Variants in INTS2 observed in about 807,000 individuals in gnomAD.
The protein encoded by INTS2 is KIAA1287.
In INTS2, 57 loss-of-function variants were observed where a neutral mutation model predicts 139.6. That is an observed-to-expected ratio of 0.41 (90% CI 0.33 to 0.51). The LOEUF (loss-of-function observed/expected upper bound fraction) is 0.51. Ranked by LOEUF, INTS2 falls within the 20% of genes least tolerant of loss-of-function variation. The pLI is 0.28. For synonymous variants in INTS2, 473 were observed against 493.4 expected, an observed-to-expected ratio of 0.96 and a Z score of 0.55; for missense variants, 1,196 against 1,436.7, an observed-to-expected ratio of 0.83 and a Z score of 2.71.
Position 61,867,810 on chromosome 17 carries a change from C to T in INTS2, c.3421+23G>A. On this transcript the variant is annotated intron_variant, in intron 24 of 24. Coordinates refer to ENST00000251334, the MANE Select transcript of INTS2 (RefSeq NM_001351695.2). This position sits in a 1 kb window ranked among gnomAD's most constrained non-coding sequence, Gnocchi z 5.6. ...TTTTGTTTGAGATATTAAGATAACC[C>T]TTGAAAATAAGTTACCACTTACGTG... 6.4e-7 allele frequency: 1 copy of T among 1,567,502 alleles called. No individual in the cohort carries two copies. The highest frequency in any genetic ancestry group is 8.6e-7 in the Non-Finnish European group (1 of 1,159,974).
intron 16 of INTS2, among the ~76,000 whole-genome samples, chr17:61,883,848 A>T (rs1158798037): frequency 6.6e-6 from 1 of 151,826 alleles, no homozygotes; most frequent in African/African-American, 2.4e-5. Flanking sequence ...TTAAGAAAAA[A>T]TCTCTAGAAA....
chr17:61,910,210 G>C (rs1161443374), intron 7 of INTS2: 1 of 152,210 alleles, frequency 6.6e-6, no homozygotes, highest in Non-Finnish European at 1.5e-5. Context: ...CAGACAGAAA[G>C]TTGAATAGAG....
intron 3 of INTS2, among the ~76,000 whole-genome samples, chr17:61,923,868 G>A (rs996832349): frequency 6.6e-6 from 1 of 152,116 alleles, no homozygotes; most frequent in African/African-American, 2.4e-5. Flanking sequence ...GGTCAGGCTG[G>A]TCTTGAACTC....
chr17:61,902,709 T>TAA (rs75310148), intron 9 of INTS2, among the ~76,000 whole-genome samples: 3 of 145,502 alleles, frequency 2.1e-5, no homozygotes, highest in African/African-American at 5.0e-5. Context: ...CACTGTCTCT[T>TAA]AAAAAAAAAA....
chr17:61,926,931 G>T (rs1229921479), intron 1 of INTS2, among the ~76,000 whole-genome samples: 1 of 152,160 alleles, frequency 6.6e-6, no homozygotes, highest in Admixed American at 6.5e-5. Context: ...GGAATATGAA[G>T]CCCAGAGAGA....
chr17:61,912,520 C>T (rs75650002), intron 5 of INTS2, among the ~76,000 whole-genome samples: 6 of 151,688 alleles, frequency 4.0e-5, no homozygotes, highest in African/African-American at 7.3e-5. Flanking sequence ...CTACTCAGGA[C>T]GCTGAGGCAG....
intron 9 of INTS2, among the ~76,000 whole-genome samples, chr17:61,898,733 C>T (rs2079374817): frequency 6.6e-6 from 1 of 152,230 alleles, no homozygotes; most frequent in Admixed American, 6.5e-5. Flanking sequence ...CCTACCTCAG[C>T]CTCCCGAATA....
At chr17:61,902,074 T>C (rs2079412707) in intron 9 of INTS2, among the ~76,000 whole-genome samples, 2 of 152,214 alleles carry the variant, frequency 1.3e-5, no homozygotes, top group Admixed American at 6.5e-5. Context: ...GTCTTCTAAC[T>C]TCCAGTGTTG....
intron 7 of INTS2, among the ~76,000 whole-genome samples, chr17:61,908,018 A>G (rs886546567): frequency 6.6e-6 from 1 of 152,178 alleles, no homozygotes; most frequent in Non-Finnish European, 1.5e-5. Flanking sequence ...ACGATTATAT[A>G]CCTTTAGGCA....
chr17:61,923,203 C>T (rs901867393), intron 3 of INTS2, among the ~76,000 whole-genome samples: 12 of 151,802 alleles, frequency 7.9e-5, no homozygotes, highest in African/African-American at 2.7e-4. Flanking sequence ...CTCGGCCGGG[C>T]GCAGTGGCTC....
At position 61,885,526 on chromosome 17, in the gene INTS2, C is replaced by T. The variant is rs376451707; in HGVS notation, c.1985-521G>A. ...GCTTCCCGGGTTCAAGCGATTCTCCCGCCTCAGCCTCTCAAGTAGATTGGC... is the reference window on the plus strand; with the variant it reads ...GCTTCCCGGGTTCAAGCGATTCTCCTGCCTCAGCCTCTCAAGTAGATTGGC... On this transcript the variant is annotated intron_variant, in intron 15 of 24. Transcript: ENST00000251334. Among the ~76,000 whole-genome samples the T allele has an allele frequency of 1.9e-3, 293 of 151,462 alleles. 1 individual carries two copies. The highest frequency in any genetic ancestry group is 6.8e-3 in the African/African-American group (282 of 41,304).
chr17:61,878,944 A>AAACAAAAAC (rs1555621254), intron 17 of INTS2, among the ~76,000 whole-genome samples: 4 of 137,238 alleles, frequency 2.9e-5, no homozygotes, highest in African/African-American at 7.0e-5. Flanking sequence ...AAAAAAAAAA[A>AAACAAAAAC]AAAAAAAAAA....
rs1473151365 is a variant in INTS2 at position 61,911,644 on chromosome 17, T to C, written c.830A>G (p.His277Arg). The change falls in exon 7 of 25, where the codon CAT becomes CGT. Residue 277 changes from histidine (H) to arginine (R), a missense_variant. By Grantham distance (29) the His-to-Arg change is conservative (BLOSUM62 0). Coordinates refer to ENST00000251334, the MANE Select transcript of INTS2 (RefSeq NM_001351695.2). ...ATCCTCACAAGCTTCATTTTTAGTATGATCCAATGTCAAAGCCACACCAAG... is the reference window on the plus strand; with the variant it reads ...ATCCTCACAAGCTTCATTTTTAGTACGATCCAATGTCAAAGCCACACCAAG... ...PGLGVALTLD[H>R]TKNEACEDGV... is the part of the protein sequence containing the mutation. The C allele has an allele frequency of 6.2e-7, 1 of 1,613,920 alleles. No homozygotes were observed. The highest frequency in any genetic ancestry group is 8.5e-7 in the Non-Finnish European group (1 of 1,179,854).
At chr17:61,901,577 C>CTTTTTTTTTTTTTTTTTTTTTTTT (rs55751869) in intron 9 of INTS2, among the ~76,000 whole-genome samples, 1 of 49,448 alleles carries the variant, frequency 2.0e-5, no homozygotes, top group Non-Finnish European at 3.4e-5. Context: ...AGAATGATTT[C>CTTTTTTTTTTTTTTTTTTTTTTTT]TTTTTTTTTT....
intron 9 of INTS2, among the ~76,000 whole-genome samples, chr17:61,901,573 ATTTCTTTTTTTTTTTTTTT>A (rs1567906340): frequency 2.5e-5 from 2 of 80,166 alleles, no homozygotes; most frequent in East Asian, 1.1e-3. Context: ...AGGCAGAATG[ATTTCTTTTTTTTTTTTTTT>A]TTTTTTTTTT....
In INTS2 at chr17:61,868,969, T is replaced by G. The variant is rs1392768677; in HGVS notation, c.3244+65A>C. 1 of 956,426 alleles carries G rather than the reference T, an allele frequency of 1.0e-6. No homozygotes were observed. The highest frequency in any genetic ancestry group is 2.4e-5 in the East Asian group (1 of 41,732). 59.2% of individuals were successfully genotyped at this position (956,426 alleles called of 1,614,324 possible). On this transcript the variant is annotated intron_variant, in intron 23 of 24. Coordinates refer to ENST00000251334, the MANE Select transcript of INTS2 (RefSeq NM_001351695.2). This position sits in a 1 kb window ranked among gnomAD's most constrained non-coding sequence, Gnocchi z 4.7. ...AGAAAAAACATATTGCATCACTAAA[T>G]GCAGAAAATATAGGAACTATAATAA...
chr17:61,893,537 A>C lies in INTS2; in HGVS notation c.1698+228T>G, dbSNP rs2079317207. Reference sequence around the variant, plus strand: ...CGGTGAAACCCTGTCTCTACTAAAAATACAAAAATTAGCCGGGCATGGTGG... The same window carrying C: ...CGGTGAAACCCTGTCTCTACTAAAACTACAAAAATTAGCCGGGCATGGTGG... On this transcript the variant is annotated intron_variant, in intron 13 of 24. Transcript: ENST00000251334. The surrounding 1 kb of genome is among the most constrained non-coding windows in gnomAD (Gnocchi z 5.4). Among the ~76,000 whole-genome samples, 2 of 152,080 alleles carry C rather than the reference A, an allele frequency of 1.3e-5. No homozygotes were observed. The highest frequency in any genetic ancestry group is 4.1e-4 in the South Asian group (2 of 4,822).
At position 61,897,742 on chromosome 17, in the gene INTS2, A is replaced by T; in HGVS notation, c.1308-3T>A. 1 of 1,587,406 alleles carries T rather than the reference A, an allele frequency of 6.3e-7. No homozygotes were observed. Among genetic ancestry groups the T allele is most frequent in the Non-Finnish European group, 8.6e-7 (1 of 1,160,990 alleles). On this transcript the variant is annotated splice_region_variant and splice_polypyrimidine_tract_variant and intron_variant, in intron 9 of 24. Coordinates refer to ENST00000251334, the MANE Select transcript of INTS2 (RefSeq NM_001351695.2). The surrounding 1 kb of genome is among the most constrained non-coding windows in gnomAD (Gnocchi z 4.4). ...TCAGCTGCTCCTGTTCAGGTGTACT[A>T]TATAAAATATACCAGAATGTCACTG... is the stretch of plus-strand genomic sequence containing the variant.
rs1222501238 is a variant in INTS2, at chr17:61,897,926, CAAGAATG to C, written c.1308-194_1308-188del. On this transcript the variant is annotated intron_variant, in intron 9 of 24. Transcript: ENST00000251334. The surrounding 1 kb of genome is among the most constrained non-coding windows in gnomAD (Gnocchi z 4.4). ...TGAGGTATGAAGTAATTCTAGAGCT[CAAGAATG>C]AGGACCTTTGCTTTTTTTCATGGAT... is the stretch of plus-strand genomic sequence containing the variant. 6.6e-6 allele frequency among the ~76,000 whole-genome samples: 1 copy of C among 152,122 alleles called. No homozygotes were observed. Among genetic ancestry groups the C allele is most frequent in the Non-Finnish European group, 1.5e-5 (1 of 68,038 alleles).
Sources: gnomAD v4.1 joint callset for allele counts (sites outside exome capture counted in the v4.1 genomes callset) on GRCh38, gnomAD v4.1.1 for gene constraint, Gnocchi (gnomAD v3.1) non-coding constraint, MANE v1.5 for transcripts, NCBI Gene and HGNC (gene_info 2026-07-23, HGNC 2026-07-21) for gene names.